TMEM255A: variants seen among roughly 807,000 people sequenced by gnomAD.
TMEM255A encodes family with sequence similarity 70, member A.
Under a neutral mutation model 23.5 loss-of-function variants are expected in TMEM255A, and 14 were observed. The ratio of observed to expected loss-of-function variants is 0.60; its 90% CI spans 0.39 to 0.93. TMEM255A has a LOEUF of 0.93. Among genes scored for constraint, TMEM255A ranks in the 40% least tolerant of loss-of-function variants. The pLI is 0.00. For synonymous variants in TMEM255A, 104 were observed against 100.3 expected (o/e 1.04, Z -0.22); for missense variants, 233 against 261.7 (o/e 0.89, Z 0.76).
At chrX:120,309,705 TCTCTCTCGCTCTCGCG>T (rs1468546352) in intron 1 of TMEM255A, among the ~76,000 whole-genome samples, 1 of 111,282 alleles carries the variant, frequency 9.0e-6, no homozygotes, top group South Asian at 3.9e-4. Flanking sequence ...TCGCTGTCGC[TCTCTCTCGCTCTCGCG>T]CTCTCTCTCT....
chrX:120,265,094 C>G (rs1166180675), intron 8 of TMEM255A, among the ~76,000 whole-genome samples: 3 of 110,861 alleles, frequency 2.7e-5, no homozygotes, highest in Non-Finnish European at 5.7e-5. Flanking sequence ...TCAGGCTGGT[C>G]TCGAACTCCC....
At chrX:120,294,201 G>A (rs924814785) in intron 2 of TMEM255A, 150 bp from the exon 3 acceptor site, 3 of 269,692 alleles carry the variant, frequency 1.1e-5, no homozygotes, top group Non-Finnish European at 2.1e-5. Context: ...TTGGGAGGCC[G>A]AGGCGGGCGG....
rs2057663305 is a variant in TMEM255A, at chrX:120,259,693, G to A, written c.*1177C>T. 2.7e-5 allele frequency: 3 copies of A among 112,258 alleles called. No individual in the cohort carries two copies. Among genetic ancestry groups the A allele is most frequent in the Admixed American group, 1.9e-4 (2 of 10,572 alleles). The allele number at this position is 112,258 out of a possible 1,213,427, so 9.3% of individuals were successfully genotyped here. Reference sequence around the variant, plus strand: ...GGTGCAAAAGCTTTAAACTCATCAGGTTGATGGTTTAAAGCTATGTGTAAT... The same window carrying A: ...GGTGCAAAAGCTTTAAACTCATCAGATTGATGGTTTAAAGCTATGTGTAAT... On this transcript the variant is annotated 3_prime_UTR_variant, in exon 9 of 9. Coordinates refer to ENST00000371369, the MANE Select transcript of TMEM255A (RefSeq NM_001104544.3).
intron 3 of TMEM255A, among the ~76,000 whole-genome samples, chrX:120,293,332 AG>A (rs2057929780): frequency 1.8e-5 from 2 of 113,099 alleles, no homozygotes; most frequent in Non-Finnish European, 3.7e-5. Flanking sequence ...GAACCAGGAA[AG>A]TATAACAGCT....
chrX:120,258,491 A>G (rs1339506140), downstream of TMEM255A: 1 of 115,625 alleles, frequency 8.6e-6, no homozygotes, highest in Non-Finnish European at 1.9e-5. Flanking sequence ...CTGGGGCTGT[A>G]TTTCTGATGA....
rs566467856 is a variant in TMEM255A at position 120,281,675 on chromosome X, A to C, written c.512+3452T>G. On this transcript the variant is annotated intron_variant, in intron 6 of 8. Coordinates refer to ENST00000371369, the MANE Select transcript of TMEM255A (RefSeq NM_001104544.3). ...AAAAGTTTGTCGAAGAAAAGAGTGAATGGAAGTAGGCTATCTTCTTTCATT... is the reference window on the plus strand; with the variant it reads ...AAAAGTTTGTCGAAGAAAAGAGTGACTGGAAGTAGGCTATCTTCTTTCATT... Among the ~76,000 whole-genome samples, 249 of 112,964 alleles carry C rather than the reference A, an allele frequency of 2.2e-3. 1 individual carries two copies. The highest frequency in any genetic ancestry group is 7.5e-3 in the African/African-American group (234 of 31,138).
chrX:120,260,691 G>A lies in TMEM255A; in HGVS notation c.*179C>T. The A allele has an allele frequency of 1.7e-6, 1 of 571,900 alleles. No homozygotes were observed. Among genetic ancestry groups the A allele is most frequent in the East Asian group, 4.3e-5 (1 of 23,276 alleles). 47.1% of individuals were successfully genotyped at this position (571,900 alleles called of 1,213,427 possible). A position where few individuals can be genotyped will look rare whatever the true frequency, so the allele number is the denominator to read the frequency against. Reference sequence around the variant, plus strand: ...TGCCCTTCTGTGCTGCGTTCAGCCTGACCACCCCTGCTCTGCACTAATAAT... The same window carrying A: ...TGCCCTTCTGTGCTGCGTTCAGCCTAACCACCCCTGCTCTGCACTAATAAT... On this transcript the variant is annotated 3_prime_UTR_variant, in exon 9 of 9. Transcript: ENST00000371369.
At chrX:120,258,503 A>G (rs1296362746), downstream of TMEM255A, 4 of 114,717 alleles carry the variant, frequency 3.5e-5, no homozygotes, top group Admixed American at 9.5e-5. Flanking sequence ...TTCTGATGAC[A>G]GCACGGCAAA....
intron 1 of TMEM255A, among the ~76,000 whole-genome samples, chrX:120,309,119 G>C (rs1326818401): frequency 4.4e-5 from 5 of 112,619 alleles, no homozygotes; most frequent in African/African-American, 1.6e-4. Context: ...GACTGTGCGG[G>C]ACCAGGGCCA....
chrX:120,254,195 A>C (rs202106799), downstream of TMEM255A: 94 of 1,210,191 alleles, frequency 7.8e-5, no homozygotes, highest in Middle Eastern at 2.3e-4. Flanking sequence ...CTTTGAGCCA[A>C]ACACAAGGAA....
intron 7 of TMEM255A, among the ~76,000 whole-genome samples, chrX:120,274,469 A>G (rs2057782925): frequency 8.9e-6 from 1 of 111,818 alleles, no homozygotes; most frequent in Non-Finnish European, 1.9e-5. Context: ...ACTAAAGCTA[A>G]GGCTAAAAGC....
intron 8 of TMEM255A, among the ~76,000 whole-genome samples, chrX:120,267,822 T>C (rs1354734918): frequency 9.0e-6 from 1 of 111,711 alleles, no homozygotes; most frequent in African/African-American, 3.3e-5. Flanking sequence ...TGGCTCAGAA[T>C]GCCCTTGTGT....
At chrX:120,257,674 T>G (rs1443434140), downstream of TMEM255A, 3 of 123,443 alleles carry the variant, frequency 2.4e-5, no homozygotes, top group Non-Finnish European at 5.6e-5. Flanking sequence ...AGACTCTTAC[T>G]TGCATGTGTC....
At chrX:120,286,959 A>C (rs1160923339) in intron 5 of TMEM255A, among the ~76,000 whole-genome samples, 195 bp downstream of exon 5, 6 of 111,358 alleles carry the variant, frequency 5.4e-5, no homozygotes, top group African/African-American at 2.0e-4. Flanking sequence ...ACAAAGTAAA[A>C]CTGATTAGGC....
intron 2 of TMEM255A, among the ~76,000 whole-genome samples, chrX:120,296,570 A>ATATAATATAATATATTCCT (rs1569339367): frequency 5.6e-5 from 5 of 88,895 alleles, no homozygotes; most frequent in African/African-American, 2.2e-4. Flanking sequence ...ACCACAGACC[A>ATATAATATAATATATTCCT]GGTAAAAACA....
rs1182721689 is a variant in TMEM255A, at chrX:120,287,329, A to ACACACACACACACACG, written c.355-108_355-107insCGTGTGTGTGTGTGTG. The ACACACACACACACACG allele has an allele frequency of 4.4e-4, 248 of 564,632 alleles. 2 individuals carry two copies. In the South Asian group the frequency reaches 4.4e-3, roughly 10 times the overall value. 46.5% of individuals were successfully genotyped at this position (564,632 alleles called of 1,213,427 possible). On this transcript the variant is annotated intron_variant, in intron 4 of 8. Coordinates refer to ENST00000371369, the MANE Select transcript of TMEM255A (RefSeq NM_001104544.3). ...TGAATACACACACACACACACACAC[A>ACACACACACACACACG]CACACACAGAAGCAGGCAGGCAGTA...
chrX:120,288,208 T>A (rs1164469712), intron 4 of TMEM255A, among the ~76,000 whole-genome samples: 1 of 112,142 alleles, frequency 8.9e-6, no homozygotes, highest in Non-Finnish European at 1.9e-5. Context: ...TCCCCACACA[T>A]GTGATTTAGC....
intron 5 of TMEM255A, chrX:120,285,548 A>G: frequency 1.7e-6 from 2 of 1,168,863 alleles, no homozygotes; most frequent in Non-Finnish European, 2.3e-6. Flanking sequence ...AGGCAAAATC[A>G]GGGTACAGGA....
chrX:120,252,804 G>C, the TMEM255A span: 3 of 111,866 alleles, frequency 2.7e-5, no homozygotes, highest in African/African-American at 9.8e-5. Flanking sequence ...ATCAAGATGA[G>C]GCACCCCAAT....
Sources: allele counts gnomAD v4.1 joint callset (sites outside exome capture counted in the v4.1 genomes callset), GRCh38; gene constraint gnomAD v4.1.1; transcripts MANE v1.5; gene names NCBI Gene and HGNC (gene_info 2026-07-23, HGNC 2026-07-21).